The following VWA2 variants were observed in gnomAD, a reference collection of about 807,000 sequenced individuals.
VWA2 encodes von Willebrand factor A domain containing 2, also known as von Willebrand factor A domain-containing protein 2.
VWA2 carries 73 observed loss-of-function variants against 70.4 expected under a neutral mutation model. That is an observed-to-expected ratio of 1.04 (90% CI 0.86 to 1.26). The LOEUF (loss-of-function observed/expected upper bound fraction) is 1.26. Among genes scored for constraint, VWA2 ranks in the 50% most tolerant of loss-of-function variants. VWA2 has a pLI of 0.00. For missense variants in VWA2, 1,011 were observed against 998.5 expected (o/e 1.01, Z -0.17); for synonymous variants, 407 against 423.3 (o/e 0.96, Z 0.47).
intron 6 of VWA2, among the ~76,000 whole-genome samples, chr10:114,274,719 T>G (rs897503922): frequency 2.0e-5 from 3 of 152,014 alleles, no homozygotes; most frequent in African/African-American, 4.8e-5. Context: ...AGTCTTGAAC[T>G]CCTGGCTTCA....
chr10:114,246,422 A>G (rs1261514199), intron 1 of VWA2: 2 of 591,942 alleles, frequency 3.4e-6, no homozygotes, highest in African/African-American at 3.8e-5. Context: ...AATCGCTTGA[A>G]CCCGGGAGGC....
At chr10:114,269,755 G>C (rs1039061448) in intron 5 of VWA2, among the ~76,000 whole-genome samples, 5 of 152,170 alleles carry the variant, frequency 3.3e-5, no homozygotes, top group Non-Finnish European at 7.3e-5. Context: ...TGAGCCTGTA[G>C]GAGTGATAAT....
chr10:114,271,016 C>G (rs146208314), intron 5 of VWA2, among the ~76,000 whole-genome samples: 51 of 152,240 alleles, frequency 3.3e-4, no homozygotes, highest in African/African-American at 1.1e-3. Context: ...GAAGCCTGCT[C>G]CCTGACAGCT....
intron 4 of VWA2, among the ~76,000 whole-genome samples, chr10:114,257,649 T>G (rs2037359535): frequency 6.6e-6 from 1 of 152,190 alleles, no homozygotes. Flanking sequence ...CACACCCTGC[T>G]ATCACACAGC....
chr10:114,272,945 C>T lies in VWA2; in HGVS notation c.566+11C>T, dbSNP rs556653256. 2.3e-5 allele frequency: 37 copies of T among 1,604,568 alleles called. No homozygotes were observed. In the Admixed American group the frequency reaches 4.5e-4, roughly 20 times the overall value. Reference sequence around the variant, plus strand: ...GGTCAGGTTTCCCAGGTAAGAGCCTCAGTCACCCTGGATCAGCCCTCAGGT... The same window carrying T: ...GGTCAGGTTTCCCAGGTAAGAGCCTTAGTCACCCTGGATCAGCCCTCAGGT... On this transcript the variant is annotated intron_variant, in intron 6 of 13. Coordinates refer to ENST00000392982, the MANE Select transcript of VWA2 (RefSeq NM_001272046.2).
intron 4 of VWA2, among the ~76,000 whole-genome samples, chr10:114,256,154 C>T (rs1021296794): frequency 1.1e-4 from 16 of 152,184 alleles, no homozygotes; most frequent in Admixed American, 1.3e-4. Context: ...CGTACCCATA[C>T]AGAGTTATTC....
intron 1 of VWA2, among the ~76,000 whole-genome samples, chr10:114,239,774 G>A (rs866462659): frequency 2.6e-5 from 4 of 152,218 alleles, no homozygotes; most frequent in South Asian, 2.1e-4. Flanking sequence ...GCACGGCGGC[G>A]TCGGGGGAAG....
At chr10:114,289,990 C>G in intron 12 of VWA2, 2 of 204,530 alleles carry the variant, frequency 9.8e-6, no homozygotes, top group Non-Finnish European at 8.8e-6. Context: ...AAGATTCTGC[C>G]TCAAAAAAAA....
rs200872626 is a variant in VWA2 at position 114,284,899 on chromosome 10, C to T, written c.926C>T (p.Thr309Ile). Residue 309 changes from threonine (T) to isoleucine (I), a missense_variant, in exon 10 of 14, where the codon ACA becomes ATA. Transcript: ENST00000392982. ...TCGCAGCCCTGCCAGAATGGAGGCA[C>T]ATGTGTTCCAGAAGGACTGGACGGC... is the stretch of plus-strand genomic sequence containing the variant. ...CDSQPCQNGG[T>I]CVPEGLDGYQ... is the part of the protein sequence containing the mutation. 4 of 1,607,130 alleles carry T rather than the reference C, an allele frequency of 2.5e-6. No homozygotes were observed. Among genetic ancestry groups the T allele is most frequent in the Admixed American group, 1.7e-5 (1 of 58,488 alleles).
chr10:114,253,499 C>T (rs2037251530), intron 2 of VWA2, 152 bp from the exon 3 acceptor site: 1 of 675,044 alleles, frequency 1.5e-6, no homozygotes, highest in African/African-American at 1.9e-5. Context: ...TTTATGTTAT[C>T]CGTCTGGTAA....
At chr10:114,291,122 A>T (rs1296620757) in intron 13 of VWA2, 96 bp from the exon 14 acceptor site, 2 of 1,411,450 alleles carry the variant, frequency 1.4e-6, no homozygotes, top group African/African-American at 2.8e-5. Context: ...TGGGTTGTAG[A>T]GTAAGAGCAG....
At position 114,289,136 on chromosome 10, in the gene VWA2, C is replaced by T. The variant is rs1441558097; in HGVS notation, c.1769C>T (p.Thr590Ile). ...QTAFGLDTKP[T>I]RAAMLRAISQ... ...GCCTTCGGGCTGGACACCAAACCCA[C>T]CCGGGCTGCGATGCTGCGGGCCATT... is the stretch of plus-strand genomic sequence containing the variant. Residue 590 changes from threonine (T) to isoleucine (I), a missense_variant, in exon 12 of 14, where the codon ACC becomes ATC. By Grantham distance (89) the Thr-to-Ile change is moderately conservative (BLOSUM62 -1). Transcript: ENST00000392982. The T allele has an allele frequency of 1.2e-6, 2 of 1,613,884 alleles. No individual in the cohort carries two copies. The highest frequency in any genetic ancestry group is 3.3e-5 in the Admixed American group (2 of 59,998).
chr10:114,244,753 G>A (rs1291999150), intron 1 of VWA2, among the ~76,000 whole-genome samples: 4 of 152,246 alleles, frequency 2.6e-5, no homozygotes, highest in African/African-American at 7.2e-5. Context: ...GGAATAGAGT[G>A]CAAACAATAC....
rs1390233241 is a variant in VWA2, at chr10:114,261,234, C to T, written c.310C>T (p.Pro104Ser). The T allele has an allele frequency of 3.1e-6, 5 of 1,614,120 alleles. No individual in the cohort carries two copies. The highest frequency in any genetic ancestry group is 2.2e-5 in the South Asian group (2 of 91,072). Residue 104 changes from proline to serine, a missense_variant, in exon 5 of 14, where the codon CCC (proline) becomes TCC (serine). Coordinates refer to ENST00000392982, the MANE Select transcript of VWA2 (RefSeq NM_001272046.2). ...CAGTTCCACTCCTCATCTGGAATTC[C>T]CCTTGGATTCATTTTCAACCCAACA... ...QFSSTPHLEF[P>S]LDSFSTQQEV... is the part of the protein sequence containing the mutation.
intron 8 of VWA2, chr10:114,280,788 G>C (rs1345585903): frequency 1.3e-5 from 2 of 152,166 alleles, no homozygotes; most frequent in African/African-American, 2.4e-5. Context: ...CACCAGGATG[G>C]AGTACAGTGG....
intron 11 of VWA2, among the ~76,000 whole-genome samples, chr10:114,286,951 C>T (rs1373066172): frequency 1.4e-4 from 22 of 152,202 alleles, no homozygotes; most frequent in Non-Finnish European, 1.5e-5. Context: ...CATACACACA[C>T]GGATGCATGT....
At chr10:114,256,721 T>C (rs766744110) in intron 4 of VWA2, among the ~76,000 whole-genome samples, 51 of 151,988 alleles carry the variant, frequency 3.4e-4, no homozygotes, top group Admixed American at 8.5e-4. Flanking sequence ...CCGTCCTGGC[T>C]AACATGATGA....
At chr10:114,283,456 A>G (rs1169678101) in intron 9 of VWA2, among the ~76,000 whole-genome samples, 3 of 152,150 alleles carry the variant, frequency 2.0e-5, no homozygotes, top group Non-Finnish European at 4.4e-5. Flanking sequence ...TATGTTCACA[A>G]GGTTTACAGT....
At chr10:114,243,559 C>T (rs2037011054) in intron 1 of VWA2, among the ~76,000 whole-genome samples, 1 of 152,160 alleles carries the variant, frequency 6.6e-6, no homozygotes, top group Admixed American at 6.5e-5. Context: ...CTCAGATTTC[C>T]ATCCTGCTGA....
Sources: gnomAD v4.1 joint callset for allele counts (sites outside exome capture counted in the v4.1 genomes callset) on GRCh38, gnomAD v4.1.1 for gene constraint, MANE v1.5 for transcripts, NCBI Gene and HGNC (gene_info 2026-07-23, HGNC 2026-07-21) for gene names.